Variants in RBFOX1 observed in about 807,000 individuals in gnomAD.
RBFOX1 encodes the protein RNA binding protein fox-1 homolog 1.
Under a neutral mutation model 57.7 loss-of-function variants are expected in RBFOX1, and 8 were observed. The ratio of observed to expected loss-of-function variants is 0.14; its 90% confidence interval spans 0.08 to 0.25. The LOEUF (loss-of-function observed/expected upper bound fraction) is 0.25. Ranked by LOEUF, RBFOX1 falls within the 10% of genes least tolerant of loss-of-function variation. RBFOX1 has a pLI of 1.00. For missense variants in RBFOX1, 611 were observed against 548.5 expected (o/e 1.11, Z -1.14); for synonymous variants, 326 against 222.4 (o/e 1.47, Z -4.15).
chr16:5,493,557 G>C (rs1243237839), intron 2 of RBFOX1, among the ~76,000 whole-genome samples: 1 of 152,214 alleles, frequency 6.6e-6, no homozygotes, highest in African/African-American at 2.4e-5. Context: ...GGTTTACCCT[G>C]GTGCTGATTG....
chr16:7,488,358 C>T (rs916196020), intron 4 of RBFOX1, among the ~76,000 whole-genome samples: 1 of 152,130 alleles, frequency 6.6e-6, no homozygotes, highest in Non-Finnish European at 1.5e-5. Context: ...GATAGATACA[C>T]ATTTAGATAT....
At chr16:7,583,493 T>G (rs1209727740) in intron 6 of RBFOX1, among the ~76,000 whole-genome samples, 4 of 152,212 alleles carry the variant, frequency 2.6e-5, no homozygotes, top group South Asian at 2.1e-4. Context: ...AACTTAATAT[T>G]TAACATTTAA....
chr16:5,421,826 C>T (rs913811002), intron 1 of RBFOX1, among the ~76,000 whole-genome samples: 7 of 151,986 alleles, frequency 4.6e-5, no homozygotes, highest in Admixed American at 1.3e-4. Context: ...ATGGAGAGGC[C>T]GTTGTTGGGT....
chr16:5,778,370 C>T (rs1321944807), intron 3 of RBFOX1, among the ~76,000 whole-genome samples: 1 of 152,188 alleles, frequency 6.6e-6, no homozygotes, highest in Non-Finnish European at 1.5e-5. Flanking sequence ...GGCTAGTTCT[C>T]TGATCACCTG....
chr16:7,676,275 A>G (rs895169944), intron 13 of RBFOX1, among the ~76,000 whole-genome samples: 5 of 152,252 alleles, frequency 3.3e-5, no homozygotes, highest in African/African-American at 1.2e-4. Flanking sequence ...ACAACCAGAT[A>G]GGTAAGAGAT....
chr16:5,802,283 C>T (rs546230674), intron 3 of RBFOX1, among the ~76,000 whole-genome samples: 2 of 152,252 alleles, frequency 1.3e-5, no homozygotes, highest in East Asian at 1.9e-4. Context: ...TCTTCTCCCC[C>T]TTTAGATACA....
At chr16:6,092,799 G>A (rs1051817948) in intron 1 of RBFOX1, 3 of 152,194 alleles carry the variant, frequency 2.0e-5, no homozygotes, top group Admixed American at 6.5e-5. Flanking sequence ...CTGTAGCCTT[G>A]TAGTATAGTT....
At chr16:7,187,721 AAAAAGG>A (rs2084277854) in intron 4 of RBFOX1, among the ~76,000 whole-genome samples, 1 of 143,454 alleles carries the variant, frequency 7.0e-6, no homozygotes, top group Non-Finnish European at 1.5e-5. Context: ...AAAAAAAAAA[AAAAAGG>A]AAAAGAAAAG....
intron 4 of RBFOX1, among the ~76,000 whole-genome samples, chr16:7,183,955 T>G (rs1466159104): frequency 2.6e-5 from 4 of 152,222 alleles, no homozygotes; most frequent in African/African-American, 9.6e-5. Flanking sequence ...AATTTCAGAC[T>G]GCAATGATGA....
At chr16:7,075,113 A>G (rs1032402561) in intron 4 of RBFOX1, among the ~76,000 whole-genome samples, 2 of 152,158 alleles carry the variant, frequency 1.3e-5, no homozygotes, top group African/African-American at 4.8e-5. Context: ...TGAAATGTGT[A>G]CTCATGGGGC....
chr16:7,323,485 C>T (rs1055925586), intron 4 of RBFOX1, among the ~76,000 whole-genome samples: 2 of 152,130 alleles, frequency 1.3e-5, no homozygotes, highest in Non-Finnish European at 2.9e-5. Context: ...TATATTAATC[C>T]ATATCGCATT....
intron 2 of RBFOX1, among the ~76,000 whole-genome samples, chr16:6,444,794 C>G (rs1371705777): frequency 6.6e-6 from 1 of 152,066 alleles, no homozygotes; most frequent in Non-Finnish European, 1.5e-5. Context: ...ACCAAAACTG[C>G]TTTTGTTAGT....
chr16:6,612,721 C>T (rs7195781), intron 2 of RBFOX1, among the ~76,000 whole-genome samples: 95,683 of 151,268 alleles, frequency 0.63, 32,457 homozygotes, highest in Non-Finnish European at 0.74. Flanking sequence ...GTGTGGTGGT[C>T]GGTGTCTGCA....
At chr16:5,434,381 G>C (rs1184004607) in intron 1 of RBFOX1, among the ~76,000 whole-genome samples, 1 of 140,974 alleles carries the variant, frequency 7.1e-6, no homozygotes, top group Non-Finnish European at 1.5e-5. Flanking sequence ...GAGTGCAGTG[G>C]CATGATCTTG....
intron 4 of RBFOX1, among the ~76,000 whole-genome samples, chr16:5,895,806 T>A (rs2058150617): frequency 6.6e-6 from 1 of 152,218 alleles, no homozygotes; most frequent in African/African-American, 2.4e-5. Flanking sequence ...TAATACCTTA[T>A]ACTGTTGCTG....
rs1253531475 is a variant in RBFOX1 at position 6,285,295 on chromosome 16, T to C, written c.-126-31700T>C. Among the ~76,000 whole-genome samples, 8 of 152,206 alleles carry C rather than the reference T, an allele frequency of 5.3e-5. No individual in the cohort carries two copies. In the South Asian group the frequency reaches 1.0e-3, roughly 20 times the overall value. ...TGACAAAGGCATTTGATTAGAAATA[T>C]GAAAAGAACCTCAGAAAGGAAAGTT... On this transcript the variant is annotated intron_variant, in intron 1 of 15. Transcript: ENST00000550418.
At chr16:6,919,932 C>T (rs1178655040) in intron 3 of RBFOX1, among the ~76,000 whole-genome samples, 2 of 151,960 alleles carry the variant, frequency 1.3e-5, no homozygotes, top group Non-Finnish European at 2.9e-5. Flanking sequence ...ATCCTTTACC[C>T]CCTCCCACTT....
intron 3 of RBFOX1, among the ~76,000 whole-genome samples, chr16:6,814,497 T>G (rs999962517): frequency 6.6e-6 from 1 of 152,148 alleles, no homozygotes; most frequent in Non-Finnish European, 1.5e-5. Flanking sequence ...TAGAGTCTAG[T>G]GGGAGACAGG....
chr16:7,305,989 G>A (rs908604903), intron 4 of RBFOX1, among the ~76,000 whole-genome samples: 1 of 152,134 alleles, frequency 6.6e-6, no homozygotes, highest in African/African-American at 2.4e-5. Flanking sequence ...AAATTCTAAT[G>A]AGCATTTCTA....
Sources: allele counts gnomAD v4.1 joint callset (sites outside exome capture counted in the v4.1 genomes callset), GRCh38; gene constraint gnomAD v4.1.1; transcripts MANE v1.5; gene names NCBI Gene and HGNC (gene_info 2026-07-23, HGNC 2026-07-21).